The following DLG2 variants were observed in gnomAD, a reference collection of about 807,000 sequenced individuals.
DLG2 encodes the protein disks large homolog 2.
In DLG2, 45 loss-of-function variants were observed where a neutral mutation model predicts 132.5. The ratio of observed to expected loss-of-function variants is 0.34; its 90% CI spans 0.27 to 0.44. The LOEUF is 0.44. Ranked by LOEUF, DLG2 falls within the 20% of genes least tolerant of loss-of-function variation. The pLI, the probability that DLG2 is intolerant of heterozygous loss-of-function variation, is 1.00. For synonymous variants in DLG2, 424 were observed against 419.6 expected, an observed-to-expected ratio of 1.01 and a Z score of -0.13; for missense variants, 1,045 against 1,196.9, an observed-to-expected ratio of 0.87 and a Z score of 1.87.
intron 19 of DLG2, among the ~76,000 whole-genome samples, chr11:83,624,481 C>T (rs1011377109): frequency 6.6e-5 from 10 of 152,160 alleles, no homozygotes; most frequent in African/African-American, 2.4e-4. Context: ...ATGCAAATCC[C>T]TGAAAGAGTA....
At chr11:83,663,380 G>C (rs2074799927) in intron 18 of DLG2, among the ~76,000 whole-genome samples, 1 of 152,152 alleles carries the variant, frequency 6.6e-6, no homozygotes, top group Non-Finnish European at 1.5e-5. Context: ...CAGAGGTTAA[G>C]AGTTGTTTGT....
chr11:84,753,172 G>A (rs1050914745), intron 6 of DLG2, among the ~76,000 whole-genome samples: 1 of 152,194 alleles, frequency 6.6e-6, no homozygotes, highest in Non-Finnish European at 1.5e-5. Flanking sequence ...CAAAAGATCA[G>A]TGTGGCTACA....
intron 8 of DLG2, among the ~76,000 whole-genome samples, chr11:84,219,160 A>G (rs182706199): frequency 6.6e-6 from 1 of 152,342 alleles, no homozygotes; most frequent in Non-Finnish European, 1.5e-5. Flanking sequence ...TTTAGCTGGC[A>G]CAATCCTACT....
intron 6 of DLG2, among the ~76,000 whole-genome samples, chr11:84,644,979 A>G (rs1399793698): frequency 6.6e-6 from 1 of 152,200 alleles, no homozygotes; most frequent in African/African-American, 2.4e-5. Flanking sequence ...TTCATACTGC[A>G]GCACATTCTC....
chr11:84,039,389 T>G (rs920629075), intron 11 of DLG2, among the ~76,000 whole-genome samples: 3 of 114,596 alleles, frequency 2.6e-5, no homozygotes, highest in African/African-American at 6.9e-5. Context: ...CCCACAACAG[T>G]CCCCAGAGTG....
At chr11:84,981,249 T>C (rs1344241862) in intron 6 of DLG2, among the ~76,000 whole-genome samples, 1 of 152,168 alleles carries the variant, frequency 6.6e-6, no homozygotes, top group Non-Finnish European at 1.5e-5. Context: ...AAAATCAATA[T>C]AAGTTCTATT....
chr11:83,748,136 T>C (rs994209309), intron 18 of DLG2, among the ~76,000 whole-genome samples: 1 of 152,188 alleles, frequency 6.6e-6, no homozygotes. Flanking sequence ...CTGTCAAGGT[T>C]TGAAAAATAC....
chr11:83,688,823 A>C (rs1280862638), intron 18 of DLG2, among the ~76,000 whole-genome samples: 1 of 152,128 alleles, frequency 6.6e-6, no homozygotes, highest in Non-Finnish European at 1.5e-5. Context: ...CTATAATCTA[A>C]TTTGGGGACC....
chr11:84,435,707 A>G (rs1336532723), intron 7 of DLG2, among the ~76,000 whole-genome samples: 1 of 152,224 alleles, frequency 6.6e-6, no homozygotes, highest in Admixed American at 6.5e-5. Flanking sequence ...TGGATGGGAC[A>G]GATTGAAAGC....
chr11:84,119,168 G>A (rs557085678), intron 9 of DLG2, among the ~76,000 whole-genome samples: 1 of 151,948 alleles, frequency 6.6e-6, no homozygotes, highest in Admixed American at 6.5e-5. Flanking sequence ...AATTAAAGCT[G>A]AGTTGAAAAC....
chr11:83,666,562 C>T lies in DLG2; in HGVS notation c.1826-33237G>A, dbSNP rs996802754. Among the ~76,000 whole-genome samples the T allele has an allele frequency of 2.0e-4, 31 of 152,322 alleles. 2 individuals carry two copies. Among genetic ancestry groups the T allele is most frequent in the Admixed American group, 9.8e-4 (15 of 15,308 alleles). ...AACCATTCCCCTTACCCACCCCATCCGTGGAAACATTGTCTTCCACAAAAC... is the reference window on the plus strand; with the variant it reads ...AACCATTCCCCTTACCCACCCCATCTGTGGAAACATTGTCTTCCACAAAAC... On this transcript the variant is annotated intron_variant, in intron 18 of 27. Transcript: ENST00000376104.
intron 6 of DLG2, among the ~76,000 whole-genome samples, chr11:84,621,746 G>T (rs776992482): frequency 9.2e-5 from 14 of 152,100 alleles, no homozygotes; most frequent in Non-Finnish European, 1.6e-4. Context: ...GGGCTGCTGG[G>T]GATTTTAAGA....
At chr11:84,272,285 G>A in intron 7 of DLG2, 1 of 437,352 alleles carries the variant, frequency 2.3e-6, no homozygotes, top group South Asian at 1.6e-5. Flanking sequence ...TGAACTTCAA[G>A]GAAGATTTAT....
At chr11:85,071,561 C>G (rs1403731614) in intron 6 of DLG2, among the ~76,000 whole-genome samples, 3 of 151,800 alleles carry the variant, frequency 2.0e-5, no homozygotes, top group Admixed American at 2.0e-4. Context: ...CTTACTTTCT[C>G]TGGAAATATG....
rs111400387 is a variant in DLG2 at position 83,601,274 on chromosome 11, G to C, written c.1940+31937C>G. Reference sequence around the variant, plus strand: ...TCAATGCCATGCCGAAGAGTTGGGGGCATTATTCTATATGGGCTAGTAGTT... The same window carrying C: ...TCAATGCCATGCCGAAGAGTTGGGGCCATTATTCTATATGGGCTAGTAGTT... On this transcript the variant is annotated intron_variant, in intron 19 of 27. Transcript: ENST00000376104. 5.9e-5 allele frequency among the ~76,000 whole-genome samples: 9 copies of C among 152,184 alleles called. 2 individuals are homozygous for C. The highest frequency in any genetic ancestry group is 2.2e-4 in the African/African-American group (9 of 41,518).
intron 8 of DLG2, among the ~76,000 whole-genome samples, chr11:84,166,500 C>CAAAAAAAAAAAAAAAAAAAAA (rs398016937): frequency 2.5e-5 from 2 of 81,036 alleles, no homozygotes; most frequent in African/African-American, 4.8e-5. Flanking sequence ...GACTCTGCTT[C>CAAAAAAAAAAAAAAAAAAAAA]AAAAAAAAAA....
At chr11:84,892,459 C>G (rs1232239914) in intron 6 of DLG2, among the ~76,000 whole-genome samples, 2 of 152,060 alleles carry the variant, frequency 1.3e-5, no homozygotes, top group African/African-American at 4.8e-5. Flanking sequence ...TAGTACCTGG[C>G]TCATAACTGC....
At chr11:83,884,804 T>C (rs1378153879) in intron 15 of DLG2, among the ~76,000 whole-genome samples, 1 of 152,178 alleles carries the variant, frequency 6.6e-6, no homozygotes, top group African/African-American at 2.4e-5. Context: ...TCCACTGTTC[T>C]GCAGCCACCG....
chr11:83,506,363 A>C (rs186953672), intron 21 of DLG2, among the ~76,000 whole-genome samples: 1 of 152,104 alleles, frequency 6.6e-6, no homozygotes, highest in East Asian at 1.9e-4. Context: ...ATTATCTCAC[A>C]CCTTTAATAT....
Sources: gnomAD v4.1 joint callset for allele counts (sites outside exome capture counted in the v4.1 genomes callset) on GRCh38, gnomAD v4.1.1 for gene constraint, MANE v1.5 for transcripts, NCBI Gene and HGNC (gene_info 2026-07-23, HGNC 2026-07-21) for gene names.